SLC5A9: variants seen among roughly 807,000 people sequenced by gnomAD.
The protein encoded by SLC5A9 is solute carrier family 5 member 9, also known as sodium/glucose cotransporter 4.
Under a neutral mutation model 70.9 loss-of-function variants are expected in SLC5A9, and 59 were observed. That is an observed-to-expected ratio of 0.83 (90% CI 0.68 to 1.03). The LOEUF (loss-of-function observed/expected upper bound fraction) is 1.03, where lower values mean the gene tolerates loss of function less well. Ranked by LOEUF, SLC5A9 falls within the 50% of genes least tolerant of loss-of-function variation. The pLI, the probability that SLC5A9 is intolerant of heterozygous loss-of-function variation, is 0.00. For missense variants in SLC5A9, 832 were observed against 881.1 expected, an observed-to-expected ratio of 0.94 and a Z score of 0.71; for synonymous variants, 340 against 346.5, an observed-to-expected ratio of 0.98 and a Z score of 0.21.
chr1:48,229,254 T>A (rs375098368), intron 3 of SLC5A9, 41 bp from the exon 4 acceptor site: 4 of 1,613,920 alleles, frequency 2.5e-6, no homozygotes, highest in Admixed American at 3.3e-5. Context: ...TCTGTCTACA[T>A]CCAGGACCTG....
intron 13 of SLC5A9, among the ~76,000 whole-genome samples, chr1:48,242,942 A>G (rs1038416814): frequency 6.6e-6 from 1 of 152,070 alleles, no homozygotes; most frequent in Non-Finnish European, 1.5e-5. Flanking sequence ...GCACAGAATA[A>G]AGAGGGCATG....
rs1254335195 is a variant in SLC5A9, at chr1:48,235,871, G to A, written c.1284G>A (p.Val428=). The change falls in exon 10 of 14, where the codon GTG becomes GTA. Residue 428 remains valine, a synonymous_variant. Coordinates refer to ENST00000438567, the MANE Select transcript of SLC5A9 (RefSeq NM_001011547.3). ...RRKSTEQELM[V]VGRVFVVFLV... Reference sequence around the variant, plus strand: ...AGTCAACAGAGCAGGAGCTGATGGTGGTGGGCAGGTGCGCCGGCCCCTCCT... The same window carrying A: ...AGTCAACAGAGCAGGAGCTGATGGTAGTGGGCAGGTGCGCCGGCCCCTCCT... The A allele has an allele frequency of 6.2e-7, 1 of 1,614,154 alleles. No individual in the cohort carries two copies. The highest frequency in any genetic ancestry group is 1.1e-5 in the South Asian group (1 of 91,080).
rs1309165545 is a variant in SLC5A9 at position 48,232,498 on chromosome 1, C to T, written c.1029C>T (p.Phe343=). The T allele has an allele frequency of 6.2e-7, 1 of 1,614,022 alleles. No homozygotes were observed. Among genetic ancestry groups the T allele is most frequent in the African/African-American group, 1.3e-5 (1 of 74,922 alleles). Residue 343 remains phenylalanine (F), a synonymous_variant, in exon 8 of 14, where the codon TTC becomes TTT. Coordinates refer to ENST00000438567, the MANE Select transcript of SLC5A9 (RefSeq NM_001011547.3). Reference sequence around the variant, plus strand: ...CTGGCATGATCAGCCGGGCCCTGTTCCCAGGTAAGAACGAGCCTTGCTCTC... The same window carrying T: ...CTGGCATGATCAGCCGGGCCCTGTTTCCAGGTAAGAACGAGCCTTGCTCTC... ...VMPGMISRAL[F]PDEVGCVDPD...
intron 10 of SLC5A9, among the ~76,000 whole-genome samples, chr1:48,236,781 C>A (rs1260136975): frequency 6.6e-6 from 1 of 152,166 alleles, no homozygotes; most frequent in Non-Finnish European, 1.5e-5. Flanking sequence ...ACTGCTTGCT[C>A]ATCTGTGCAC....
intron 2 of SLC5A9, among the ~76,000 whole-genome samples, chr1:48,225,851 T>C (rs1312568529): frequency 6.6e-6 from 1 of 152,082 alleles, no homozygotes; most frequent in African/African-American, 2.4e-5. Flanking sequence ...CATGCTCCTT[T>C]ACATACTTAC....
chr1:48,227,338 GTC>G (rs1644172335), intron 2 of SLC5A9, among the ~76,000 whole-genome samples: 3 of 146,682 alleles, frequency 2.0e-5, no homozygotes, highest in African/African-American at 2.5e-5. Flanking sequence ...GCATGTGTGT[GTC>G]AGAGTGTGTG....
intron 1 of SLC5A9, among the ~76,000 whole-genome samples, chr1:48,224,086 C>A (rs1054680224): frequency 6.6e-5 from 10 of 152,208 alleles, no homozygotes; most frequent in African/African-American, 2.4e-4. Context: ...TCAAGTTCAT[C>A]CTTCCCTACC....
chr1:48,236,699 A>G (rs1644332267), intron 10 of SLC5A9, among the ~76,000 whole-genome samples: 1 of 152,134 alleles, frequency 6.6e-6, no homozygotes, highest in African/African-American at 2.4e-5. Flanking sequence ...GCTCTTTCAC[A>G]TCTCCCTGCC....
At chr1:48,230,799 G>A (rs993600855) in intron 5 of SLC5A9, 94 bp downstream of exon 5, 20 of 919,322 alleles carry the variant, frequency 2.2e-5, no homozygotes, top group Non-Finnish European at 2.7e-5. Flanking sequence ...GAGAGACAGA[G>A]TGACAGAAAG....
intron 7 of SLC5A9, 54 bp from the exon 8 acceptor site, chr1:48,232,313 C>G: frequency 6.2e-7 from 1 of 1,600,284 alleles, no homozygotes; most frequent in Admixed American, 1.7e-5. Context: ...TCACCTGTGG[C>G]TTAATGAGCC....
At chr1:48,237,925 C>T (rs1644350460) in intron 11 of SLC5A9, 78 bp downstream of exon 11, 2 of 1,469,862 alleles carry the variant, frequency 1.4e-6, no homozygotes, top group East Asian at 4.9e-5. Context: ...GTCTCTGTGA[C>T]CTTGAGAAAA....
At chr1:48,238,113 T>A (rs999780843) in intron 11 of SLC5A9, among the ~76,000 whole-genome samples, 2 of 152,160 alleles carry the variant, frequency 1.3e-5, no homozygotes, top group African/African-American at 2.4e-5. Flanking sequence ...TAAACAATAG[T>A]TACAAAGTAT....
chr1:48,223,396 G>A (rs1644099643), intron 1 of SLC5A9, among the ~76,000 whole-genome samples: 1 of 152,174 alleles, frequency 6.6e-6, no homozygotes, highest in South Asian at 2.1e-4. Context: ...CTCAGTGCTA[G>A]AGGCAGGGGC....
chr1:48,240,407 A>ACTT (rs1428707599), intron 12 of SLC5A9: 1 of 152,204 alleles, frequency 6.6e-6, no homozygotes, highest in Admixed American at 6.5e-5. Flanking sequence ...GGCGGTTAGG[A>ACTT]CTTCGACACA....
intron 10 of SLC5A9, among the ~76,000 whole-genome samples, chr1:48,236,205 G>T (rs1644324973): frequency 6.6e-6 from 1 of 152,038 alleles, no homozygotes; most frequent in Non-Finnish European, 1.5e-5. Flanking sequence ...CTCACCCAAG[G>T]TATTCCCAAC....
At chr1:48,242,197 A>C (rs1017547828) in intron 12 of SLC5A9, 6 of 512,046 alleles carry the variant, frequency 1.2e-5, no homozygotes, top group Non-Finnish European at 1.4e-5. Flanking sequence ...CCATGAGGAC[A>C]GGGCCCAGGT....
intron 5 of SLC5A9, 133 bp downstream of exon 5, chr1:48,230,838 GA>G (rs1644238126): frequency 3.0e-6 from 2 of 673,982 alleles, no homozygotes; most frequent in Non-Finnish European, 5.1e-6. Flanking sequence ...AGAAACAGGA[GA>G]GGCAGAGACA....
In SLC5A9 at chr1:48,222,848, A is replaced by G; in HGVS notation, c.112A>G (p.Ile38Val). 5.0e-6 allele frequency: 8 copies of G among 1,614,170 alleles called. No homozygotes were observed. Among genetic ancestry groups the G allele is most frequent in the Non-Finnish European group, 5.9e-6 (7 of 1,180,034 alleles). ...CAGAGTTGGTCTGCACGCCTACGAC[A>G]TCAGCGTGGTGGTCATCTACTTTGT... ...DSRVGLHAYD[I>V]SVVVIYFVFV... is the part of the protein sequence containing the mutation. Residue 38 changes from isoleucine (I) to valine (V), a missense_variant, in exon 1 of 14, where the codon ATC becomes GTC. By Grantham distance (29) the Ile-to-Val change is conservative. Transcript: ENST00000438567.
intron 10 of SLC5A9, 78 bp from the exon 11 acceptor site, chr1:48,237,601 T>A: frequency 7.1e-7 from 1 of 1,415,370 alleles, no homozygotes; most frequent in South Asian, 1.3e-5. Context: ...CCCTTCCTGG[T>A]TCCTGTGCAT....
Sources: allele counts gnomAD v4.1 joint callset (sites outside exome capture counted in the v4.1 genomes callset), GRCh38; gene constraint gnomAD v4.1.1; transcripts MANE v1.5; gene names NCBI Gene and HGNC (gene_info 2026-07-23, HGNC 2026-07-21).